The following EXOC6B variants were observed in gnomAD, a reference collection of about 807,000 sequenced individuals.
EXOC6B encodes the protein exocyst complex component 6B.
EXOC6B carries 54 observed loss-of-function variants against 113.5 expected under a neutral mutation model. The observed-to-expected ratio is 0.48, with a 90% CI of 0.38 to 0.60. EXOC6B has a LOEUF of 0.60. EXOC6B is among the 20% of genes least tolerant of loss of function. The pLI is 0.00. For missense variants in EXOC6B, 797 were observed against 977.5 expected (o/e 0.82, Z 2.46); for synonymous variants, 357 against 339.0 (o/e 1.05, Z -0.58).
At chr2:72,665,668 GACC>G (rs1675337350) in intron 6 of EXOC6B, among the ~76,000 whole-genome samples, 2 of 152,122 alleles carry the variant, frequency 1.3e-5, no homozygotes, top group Non-Finnish European at 2.9e-5. Context: ...ATTACCACTA[GACC>G]AGCCTTAAAA....
chr2:72,341,591 A>G (rs1689034353), intron 19 of EXOC6B, among the ~76,000 whole-genome samples: 2 of 152,156 alleles, frequency 1.3e-5, no homozygotes, highest in Non-Finnish European at 2.9e-5. Context: ...GGAATACTTA[A>G]TATATTAAGC....
chr2:72,476,626 T>C (rs143091029), intron 17 of EXOC6B, among the ~76,000 whole-genome samples: 104 of 151,092 alleles, frequency 6.9e-4, no homozygotes, highest in African/African-American at 2.5e-3. Flanking sequence ...TCTCTTTCCT[T>C]CCTTACTTTC....
chr2:72,366,051 G>A (rs534628370), intron 19 of EXOC6B, among the ~76,000 whole-genome samples: 6 of 151,974 alleles, frequency 3.9e-5, no homozygotes, highest in Admixed American at 6.6e-5. Flanking sequence ...AAAATTTCAC[G>A]AATCCAGTAA....
chr2:72,460,235 C>T (rs949738915), intron 18 of EXOC6B, among the ~76,000 whole-genome samples: 4 of 150,774 alleles, frequency 2.7e-5, no homozygotes, highest in African/African-American at 7.5e-5. Context: ...AAACGTTAGA[C>T]CTAAAATCAT....
At chr2:72,443,397 A>G (rs1455831094) in intron 18 of EXOC6B, among the ~76,000 whole-genome samples, 1 of 152,032 alleles carries the variant, frequency 6.6e-6, no homozygotes, top group Non-Finnish European at 1.5e-5. Flanking sequence ...AAATAAGACC[A>G]TACATGTACA....
chr2:72,761,183 A>G (rs1336666646), intron 1 of EXOC6B, among the ~76,000 whole-genome samples: 1 of 152,166 alleles, frequency 6.6e-6, no homozygotes, highest in Non-Finnish European at 1.5e-5. Flanking sequence ...TGTCTCAAAA[A>G]AAAAAGACAT....
chr2:72,699,035 G>C (rs559601060), intron 6 of EXOC6B, among the ~76,000 whole-genome samples: 4 of 152,228 alleles, frequency 2.6e-5, no homozygotes, highest in Admixed American at 1.3e-4. Context: ...GACATTTTAT[G>C]TGCACATGGT....
At chr2:72,295,352 C>T (rs114701504) in intron 20 of EXOC6B, among the ~76,000 whole-genome samples, 2,880 of 152,120 alleles carry the variant, frequency 0.019, 108 homozygotes, top group African/African-American at 0.065. Context: ...ATTTCTAATG[C>T]CTAAAAACAT....
At chr2:72,268,627 T>C in intron 20 of EXOC6B, among the ~76,000 whole-genome samples, 1 of 152,100 alleles carries the variant, frequency 6.6e-6, no homozygotes, top group Non-Finnish European at 1.5e-5. Flanking sequence ...ATATCCAATG[T>C]AGGAGGTAGG....
chr2:72,301,389 T>C (rs1424341202), intron 20 of EXOC6B, among the ~76,000 whole-genome samples: 1 of 152,206 alleles, frequency 6.6e-6, no homozygotes, highest in Non-Finnish European at 1.5e-5. Context: ...GAGTCCCTCC[T>C]TCTCAGTTTT....
At chr2:72,808,661 T>C (rs1685711487) in intron 1 of EXOC6B, among the ~76,000 whole-genome samples, 2 of 152,116 alleles carry the variant, frequency 1.3e-5, no homozygotes, top group African/African-American at 4.8e-5. Flanking sequence ...TACACACCTG[T>C]GGTCCCAGCT....
intron 6 of EXOC6B, among the ~76,000 whole-genome samples, chr2:72,613,737 C>A (rs1222914722): frequency 7.4e-5 from 11 of 148,870 alleles, no homozygotes; most frequent in Non-Finnish European, 1.5e-4. Context: ...TGTAAGCATG[C>A]ATGGAAGCAA....
At chr2:72,587,833 CA>C (rs1193640492) in intron 6 of EXOC6B, among the ~76,000 whole-genome samples, 11 of 144,254 alleles carry the variant, frequency 7.6e-5, no homozygotes, top group Middle Eastern at 3.6e-3. Flanking sequence ...ACAACAACAA[CA>C]AAAAAAAAAC....
At chr2:72,437,074 C>T (rs774444577) in intron 18 of EXOC6B, among the ~76,000 whole-genome samples, 14 of 152,198 alleles carry the variant, frequency 9.2e-5, no homozygotes, top group Non-Finnish European at 1.9e-4. Context: ...ATGACCTTTG[C>T]ATGGGGTTTT....
chr2:72,237,218 T>G (rs1247871775), intron 20 of EXOC6B, among the ~76,000 whole-genome samples: 1 of 152,176 alleles, frequency 6.6e-6, no homozygotes, highest in Non-Finnish European at 1.5e-5. Context: ...ATTAAACTCC[T>G]GAAGTTCAAT....
At chr2:72,232,511 A>G (rs907352941) in intron 20 of EXOC6B, among the ~76,000 whole-genome samples, 7 of 152,342 alleles carry the variant, frequency 4.6e-5, no homozygotes, top group Middle Eastern at 3.4e-3. Context: ...AGATAAAAAT[A>G]CCAGATGTTC....
At chr2:72,209,243 A>AAAAAGAAAAGAAAAG (rs1231419000) in intron 20 of EXOC6B, among the ~76,000 whole-genome samples, 11 of 110,662 alleles carry the variant, frequency 9.9e-5, no homozygotes, top group African/African-American at 3.6e-4. Context: ...AAAAAAAAAA[A>AAAAAGAAAAGAAAAG]AAAAGAAAAG....
chr2:72,194,719 T>A (rs374844510), intron 20 of EXOC6B, among the ~76,000 whole-genome samples: 119 of 152,234 alleles, frequency 7.8e-4, no homozygotes, highest in African/African-American at 2.7e-3. Context: ...TGGAGGTGTC[T>A]ACGGATTCAC....
In EXOC6B at chr2:72,575,669, C is replaced by G. The variant is rs1246045246; in HGVS notation, c.670-1G>C. The G allele has an allele frequency of 6.3e-7, 1 of 1,590,194 alleles. No homozygotes were observed. The highest frequency in any genetic ancestry group is 1.2e-5 in the South Asian group (1 of 86,670). On this transcript the variant is annotated splice_acceptor_variant, in intron 6 of 21. Transcript: ENST00000272427. LOFTEE classifies it high-confidence loss of function. ...TATCCAGGTTTCTTTGCTGCTGGGCCTAGGATAGAGAAGAACACACACAAA... is the reference window on the plus strand; with the variant it reads ...TATCCAGGTTTCTTTGCTGCTGGGCGTAGGATAGAGAAGAACACACACAAA...
Sources: gnomAD v4.1 joint callset for allele counts (sites outside exome capture counted in the v4.1 genomes callset) on GRCh38, gnomAD v4.1.1 for gene constraint, MANE v1.5 for transcripts, NCBI Gene and HGNC (gene_info 2026-07-23, HGNC 2026-07-21) for gene names.